Variants in GAPDH observed in about 807,000 individuals in gnomAD.
GAPDH encodes OCAS, p38 component.
A neutral mutation model predicts 31.2 loss-of-function variants in GAPDH; 13 were observed. The ratio of observed to expected loss-of-function variants is 0.42; its 90% CI spans 0.27 to 0.66. The LOEUF (loss-of-function observed/expected upper bound fraction) is 0.66. Among genes scored for constraint, GAPDH ranks in the 30% least tolerant of loss-of-function variants. GAPDH has a pLI of 0.26. For synonymous variants in GAPDH, 211 were observed against 166.9 expected (o/e 1.26, Z -2.04); for missense variants, 300 against 443.7 (o/e 0.68, Z 2.91).
chr12:6,535,664 C>T (rs1376035327), intron 2 of GAPDH, among the ~76,000 whole-genome samples: 1 of 152,144 alleles, frequency 6.6e-6, no homozygotes, highest in African/African-American at 2.4e-5. Context: ...CCGCCCTTCC[C>T]CTGCCAGCCT....
Sources: gnomAD v4.1 joint callset for allele counts (sites outside exome capture counted in the v4.1 genomes callset) on GRCh38, gnomAD v4.1.1 for gene constraint, MANE v1.5 for transcripts, NCBI Gene and HGNC (gene_info 2026-07-23, HGNC 2026-07-21) for gene names.